The following TMEM135 variants were observed in gnomAD, a reference collection of about 807,000 sequenced individuals.
TMEM135 encodes the protein transmembrane protein 135, also known as peroxisomal membrane protein 52.
TMEM135 carries 30 observed loss-of-function variants against 60.3 expected under a neutral mutation model. The observed-to-expected ratio is 0.50, with a 90% confidence interval of 0.37 to 0.68. The LOEUF (loss-of-function observed/expected upper bound fraction) is 0.68, where lower values mean the gene tolerates loss of function less well. Ranked by LOEUF, TMEM135 falls within the 30% of genes least tolerant of loss-of-function variation. The probability of loss-of-function intolerance (pLI) is 0.00; values close to 1 mark genes in which losing one functional copy is unlikely to be tolerated. For synonymous variants in TMEM135, 190 were observed against 186.7 expected, an observed-to-expected ratio of 1.02 and a Z score of -0.14; for missense variants, 468 against 548.8, an observed-to-expected ratio of 0.85 and a Z score of 1.47.
intron 11 of TMEM135, among the ~76,000 whole-genome samples, chr11:87,313,828 A>G (rs1018284572): frequency 6.6e-6 from 1 of 151,790 alleles, no homozygotes; most frequent in African/African-American, 2.4e-5. Flanking sequence ...TGAAAATTCT[A>G]TTTTTACCAC....
At chr11:87,295,754 T>G in intron 6 of TMEM135, 28 bp from the exon 7 acceptor site, 1 of 1,576,838 alleles carries the variant, frequency 6.3e-7, no homozygotes. Flanking sequence ...ATATGTTATT[T>G]TATGATTGTA....
At chr11:87,131,897 C>G (rs1409592881) in intron 4 of TMEM135, among the ~76,000 whole-genome samples, 1 of 152,088 alleles carries the variant, frequency 6.6e-6, no homozygotes, top group East Asian at 1.9e-4. Flanking sequence ...TGCCTCCTGT[C>G]AGATCAGTGA....
At chr11:87,260,542 G>A (rs1180368635) in intron 6 of TMEM135, among the ~76,000 whole-genome samples, 3 of 151,144 alleles carry the variant, frequency 2.0e-5, no homozygotes, top group Non-Finnish European at 1.5e-5. Flanking sequence ...TTTTTTTTTG[G>A]ATTTGTATTA....
chr11:87,159,274 G>A (rs1353484723), intron 5 of TMEM135, among the ~76,000 whole-genome samples: 2 of 152,102 alleles, frequency 1.3e-5, no homozygotes, highest in African/African-American at 4.8e-5. Context: ...TACATTTTAA[G>A]AGCTCTGAAA....
At chr11:87,259,697 CA>C (rs1941606688) in intron 6 of TMEM135, among the ~76,000 whole-genome samples, 1 of 152,164 alleles carries the variant, frequency 6.6e-6, no homozygotes, top group African/African-American at 2.4e-5. Context: ...ATTTTCCCAC[CA>C]TTATCAATTT....
chr11:87,236,013 A>G (rs572568934), intron 5 of TMEM135, among the ~76,000 whole-genome samples: 2 of 152,068 alleles, frequency 1.3e-5, no homozygotes, highest in East Asian at 1.9e-4. Context: ...GGTCATCTTC[A>G]TATCATAGTT....
chr11:87,072,648 T>C (rs755148330), intron 3 of TMEM135, among the ~76,000 whole-genome samples: 1 of 152,142 alleles, frequency 6.6e-6, no homozygotes, highest in Non-Finnish European at 1.5e-5. Context: ...CCCAAAGTGC[T>C]AGTATTACAG....
chr11:87,270,895 T>C (rs1427926504), intron 6 of TMEM135, among the ~76,000 whole-genome samples: 1 of 152,098 alleles, frequency 6.6e-6, no homozygotes, highest in East Asian at 1.9e-4. Flanking sequence ...GTTAACAATA[T>C]TTTCTAGTCA....
chr11:87,264,593 T>C (rs973595331), intron 6 of TMEM135, among the ~76,000 whole-genome samples: 1 of 152,048 alleles, frequency 6.6e-6, no homozygotes, highest in South Asian at 2.1e-4. Context: ...TGAAATGTAT[T>C]CAGATATGTA....
At position 87,325,577 on chromosome 11, in the gene TMEM135, T is replaced by C; in HGVS notation, c.*4244T>C. 1 of 454,014 alleles carries C rather than the reference T, an allele frequency of 2.2e-6. No individual in the cohort carries two copies. The highest frequency in any genetic ancestry group is 4.4e-6 in the Non-Finnish European group (1 of 226,766). 28.1% of individuals were successfully genotyped at this position (454,014 alleles called of 1,614,324 possible). ...ACCTTGTCCATTCTCTGCTTGCTGGTGTTACTTTATGTTAACTAGTCTCCT... is the reference window on the plus strand; with the variant it reads ...ACCTTGTCCATTCTCTGCTTGCTGGCGTTACTTTATGTTAACTAGTCTCCT... On this transcript the variant is annotated 3_prime_UTR_variant, in exon 15 of 15. Transcript: ENST00000305494.
At chr11:87,319,123 C>T (rs1942781072) in intron 13 of TMEM135, 187 bp from the exon 14 acceptor site, 1 of 578,310 alleles carries the variant, frequency 1.7e-6, no homozygotes, top group East Asian at 3.0e-5. Context: ...CCCGCCTCGG[C>T]CTCCCCAAGT....
chr11:87,259,115 C>T (rs1196160810), intron 6 of TMEM135: 8 of 824,526 alleles, frequency 9.7e-6, no homozygotes, highest in Non-Finnish European at 1.4e-5. Context: ...TCTTCGGAAA[C>T]ATCTCCATCA....
At chr11:87,321,149 T>G (rs1321121333) in intron 14 of TMEM135, 52 bp from the exon 15 acceptor site, 2 of 1,489,548 alleles carry the variant, frequency 1.3e-6, no homozygotes, top group African/African-American at 2.8e-5. Context: ...AATGAATTAT[T>G]TTATTTTATA....
At chr11:87,126,491 A>G (rs1270225351) in intron 4 of TMEM135, among the ~76,000 whole-genome samples, 6 of 151,910 alleles carry the variant, frequency 3.9e-5, no homozygotes, top group Non-Finnish European at 7.4e-5. Context: ...ACTTTCTAGC[A>G]AAAAATTTAG....
rs1565176262 is a variant in TMEM135 at position 87,328,061 on chromosome 11, C to G, written c.*6728C>G. 2.2e-6 allele frequency: 1 copy of G among 454,072 alleles called. No homozygotes were observed. The highest frequency in any genetic ancestry group is 4.4e-6 in the Non-Finnish European group (1 of 226,786). The allele number at this position is 454,072 out of a possible 1,614,324, so 28.1% of individuals were successfully genotyped here. On this transcript the variant is annotated 3_prime_UTR_variant, in exon 15 of 15. Coordinates refer to ENST00000305494, the MANE Select transcript of TMEM135 (RefSeq NM_022918.4). ...TGCCTTACCAGTTCTCTAGATATTC[C>G]TTAATCCAGTCAAGTTGATGCCTAA...
intron 1 of TMEM135, among the ~76,000 whole-genome samples, chr11:87,066,131 A>G (rs974832565): frequency 2.0e-5 from 3 of 152,230 alleles, no homozygotes; most frequent in Non-Finnish European, 4.4e-5. Flanking sequence ...GAAAAGTATT[A>G]TCTCTAGAAA....
chr11:87,082,726 A>G (rs565829299), intron 3 of TMEM135, among the ~76,000 whole-genome samples: 27 of 152,382 alleles, frequency 1.8e-4, no homozygotes, highest in Admixed American at 1.0e-3. Flanking sequence ...CCAGTTGTCA[A>G]TTGAAATGTG....
intron 5 of TMEM135, among the ~76,000 whole-genome samples, chr11:87,206,877 C>A (rs1940247112): frequency 6.6e-6 from 1 of 152,006 alleles, no homozygotes; most frequent in African/African-American, 2.4e-5. Context: ...TTATTTTTAA[C>A]ATGTATTTTA....
intron 6 of TMEM135, among the ~76,000 whole-genome samples, chr11:87,255,082 T>C (rs1407942922): frequency 1.3e-5 from 2 of 152,204 alleles, no homozygotes; most frequent in Non-Finnish European, 2.9e-5. Flanking sequence ...CCTCTTTTTT[T>C]CCCTTTCTTC....
Sources: allele counts gnomAD v4.1 joint callset (sites outside exome capture counted in the v4.1 genomes callset), GRCh38; gene constraint gnomAD v4.1.1; transcripts MANE v1.5; gene names NCBI Gene and HGNC (gene_info 2026-07-23, HGNC 2026-07-21).